Variants in DPF3 observed in about 807,000 individuals in gnomAD.
DPF3 encodes the protein zinc finger protein DPF3.
A neutral mutation model predicts 56.8 loss-of-function variants in DPF3; 18 were observed. The ratio of observed to expected loss-of-function variants is 0.32; its 90% confidence interval spans 0.22 to 0.47. The LOEUF (loss-of-function observed/expected upper bound fraction) is 0.47, where lower values mean the gene tolerates loss of function less well. DPF3 is among the 20% of genes least tolerant of loss of function. The pLI is 1.00. For synonymous variants in DPF3, 188 were observed against 180.2 expected (o/e 1.04, Z -0.35); for missense variants, 403 against 488.8 (o/e 0.82, Z 1.65).
intron 5 of DPF3, among the ~76,000 whole-genome samples, chr14:72,722,059 G>C (rs1483556519): frequency 6.6e-6 from 1 of 152,078 alleles, no homozygotes; most frequent in African/African-American, 2.4e-5. Context: ...GAAATGATAA[G>C]GGACTAGATA....
chr14:72,821,492 C>G (rs1883540142), intron 1 of DPF3, among the ~76,000 whole-genome samples: 1 of 151,496 alleles, frequency 6.6e-6, no homozygotes, highest in African/African-American at 2.4e-5. Context: ...GGATAAGCCA[C>G]TAGGTTGAGT....
At chr14:72,857,806 C>T (rs551840302) in intron 1 of DPF3, among the ~76,000 whole-genome samples, 117 of 152,194 alleles carry the variant, frequency 7.7e-4, no homozygotes, top group Non-Finnish European at 1.3e-3. Context: ...CCAGGATGGT[C>T]TCAATCTCTT....
At chr14:72,885,051 G>A (rs1408472958) in intron 1 of DPF3, among the ~76,000 whole-genome samples, 7 of 141,772 alleles carry the variant, frequency 4.9e-5, no homozygotes, top group South Asian at 4.6e-4. Context: ...GCGTGAACCC[G>A]GGAGGTGGAG....
intron 8 of DPF3, among the ~76,000 whole-genome samples, chr14:72,649,255 C>T (rs566328261): frequency 2.6e-4 from 39 of 152,150 alleles, no homozygotes; most frequent in African/African-American, 9.4e-4. Flanking sequence ...ATCCTCATCC[C>T]AAGGGGTGAT....
rs546736496 is a variant in DPF3 at position 72,615,373 on chromosome 14, G to A, written c.*3924C>T. On this transcript the variant is annotated 3_prime_UTR_variant, in exon 11 of 11. Coordinates refer to ENST00000556509, the MANE Select transcript of DPF3 (RefSeq NM_001280542.3). Reference sequence around the variant, plus strand: ...AGCACAGGTCTCCTCCACTTGCCCCGAAAGGAAAAGTAATAACAATCATCT... The same window carrying A: ...AGCACAGGTCTCCTCCACTTGCCCCAAAAGGAAAAGTAATAACAATCATCT... Among the ~76,000 whole-genome samples the A allele has an allele frequency of 6.9e-4, 105 of 152,254 alleles. No homozygotes were observed. Among genetic ancestry groups the A allele is most frequent in the African/African-American group, 1.9e-3 (81 of 41,556 alleles).
At chr14:72,891,373 C>G (rs550303267) in intron 1 of DPF3, among the ~76,000 whole-genome samples, 1 of 149,052 alleles carries the variant, frequency 6.7e-6, no homozygotes, top group South Asian at 2.1e-4. Flanking sequence ...ATGCTAATGT[C>G]GTTCAGCTCT....
chr14:72,804,573 T>C (rs982585058), intron 1 of DPF3, among the ~76,000 whole-genome samples: 1 of 152,188 alleles, frequency 6.6e-6, no homozygotes, highest in African/African-American at 2.4e-5. Flanking sequence ...TTTCATGGAA[T>C]TGATAGAGTA....
chr14:72,815,354 A>G (rs76640230), intron 1 of DPF3, among the ~76,000 whole-genome samples: 12,057 of 152,358 alleles, frequency 0.079, 708 homozygotes, highest in Admixed American at 0.17. Flanking sequence ...GCAAGGATAT[A>G]GAATAACTAC....
intron 8 of DPF3, among the ~76,000 whole-genome samples, chr14:72,632,158 G>A (rs530388081): frequency 6.6e-6 from 1 of 152,210 alleles, no homozygotes; most frequent in Non-Finnish European, 1.5e-5. Flanking sequence ...AGGCTATTAA[G>A]CAAGGCAGTA....
At position 72,706,374 on chromosome 14, in the gene DPF3, G is replaced by A. The variant is rs116075754; in HGVS notation, c.604+8049C>T. Reference sequence around the variant, plus strand: ...TGTCCCCTCAATTAAATACCGCCCCGGCAGTGTGCTATCTCCTGCACAATA... The same window carrying A: ...TGTCCCCTCAATTAAATACCGCCCCAGCAGTGTGCTATCTCCTGCACAATA... On this transcript the variant is annotated intron_variant, in intron 6 of 10. Transcript: ENST00000556509. 9.3e-3 allele frequency among the ~76,000 whole-genome samples: 1,416 copies of A among 152,152 alleles called. 27 individuals are homozygous for A. Among genetic ancestry groups the A allele is most frequent in the African/African-American group, 0.032 (1,348 of 41,486 alleles).
intron 2 of DPF3, among the ~76,000 whole-genome samples, chr14:72,765,139 T>A (rs779312100): frequency 3.3e-5 from 5 of 152,198 alleles, no homozygotes; most frequent in Non-Finnish European, 7.4e-5. Context: ...AATAAGCACA[T>A]GTGAAGATGC....
chr14:72,710,361 G>T (rs1888600614), intron 6 of DPF3, among the ~76,000 whole-genome samples: 1 of 152,248 alleles, frequency 6.6e-6, no homozygotes, highest in South Asian at 2.1e-4. Context: ...TAAATGGAAA[G>T]AATAGATTCT....
intron 6 of DPF3, among the ~76,000 whole-genome samples, chr14:72,709,375 C>G (rs1888556460): frequency 1.3e-5 from 2 of 152,084 alleles, no homozygotes; most frequent in Non-Finnish European, 2.9e-5. Flanking sequence ...TAGCCTAATG[C>G]CGTAGTTGGG....
At chr14:72,837,034 TA>T in intron 1 of DPF3, among the ~76,000 whole-genome samples, 1 of 151,746 alleles carries the variant, frequency 6.6e-6, no homozygotes, top group Non-Finnish European at 1.5e-5. Flanking sequence ...CACACCTGGC[TA>T]ATTTTTGTGT....
chr14:72,880,583 G>T (rs1886288298), intron 1 of DPF3, among the ~76,000 whole-genome samples: 1 of 152,158 alleles, frequency 6.6e-6, no homozygotes, highest in African/African-American at 2.4e-5. Context: ...TTCAGACACG[G>T]TCTCACTCTG....
Position 72,731,821 on chromosome 14 carries a change from T to C in DPF3, c.415A>G (p.Ile139Val), listed in dbSNP as rs1342894244. The change falls in exon 4 of 11, where the codon ATC becomes GTC. Residue 139 changes from isoleucine to valine, a missense_variant. Ile to Val is a conservative substitution (Grantham distance 29). Coordinates refer to ENST00000556509, the MANE Select transcript of DPF3 (RefSeq NM_001280542.3). ...KKVDAREEESIQEIQRVLEND... is the reference protein window; with the variant it reads ...KKVDAREEESVQEIQRVLEND... ...TGTGGGAATACCTGTATTTCCTGGATGCTTTCCTCCTCCCTGGCATCCACC... is the reference window on the plus strand; with the variant it reads ...TGTGGGAATACCTGTATTTCCTGGACGCTTTCCTCCTCCCTGGCATCCACC... 1 of 1,613,562 alleles carries C rather than the reference T, an allele frequency of 6.2e-7. No homozygotes were observed.
intron 3 of DPF3, among the ~76,000 whole-genome samples, chr14:72,739,556 G>T (rs1275505667): frequency 1.3e-5 from 2 of 152,226 alleles, no homozygotes; most frequent in African/African-American, 2.4e-5. Flanking sequence ...AAGACCACCA[G>T]ATGTGGTGAG....
intron 6 of DPF3, among the ~76,000 whole-genome samples, chr14:72,709,470 G>T (rs1386907830): frequency 6.6e-6 from 1 of 152,086 alleles, no homozygotes; most frequent in African/African-American, 2.4e-5. Flanking sequence ...ACTACTACCT[G>T]ACTCCAGCCT....
chr14:72,692,575 G>A (rs1887735424), intron 7 of DPF3, among the ~76,000 whole-genome samples: 1 of 152,196 alleles, frequency 6.6e-6, no homozygotes, highest in South Asian at 2.1e-4. Flanking sequence ...TCTCCAGGCA[G>A]CATTTCTAAG....
Sources: allele counts gnomAD v4.1 joint callset (sites outside exome capture counted in the v4.1 genomes callset), GRCh38; gene constraint gnomAD v4.1.1; transcripts MANE v1.5; gene names NCBI Gene and HGNC (gene_info 2026-07-23, HGNC 2026-07-21).